Variants in MYH11 observed in about 807,000 individuals in gnomAD.
MYH11 encodes myosin heavy chain 11.
MYH11 carries 80 observed loss-of-function variants against 246.6 expected under a neutral mutation model. That is an observed-to-expected ratio of 0.32 (90% CI 0.27 to 0.39). MYH11 has a LOEUF of 0.39. Ranked by LOEUF, MYH11 falls within the 10% of genes least tolerant of loss-of-function variation. The pLI is 1.00. For missense variants in MYH11, 2,158 were observed against 2,546.8 expected (o/e 0.85, Z 3.29); for synonymous variants, 1,071 against 1,015.5 (o/e 1.05, Z -1.04).
At chr16:15,713,815 C>T (rs2039960148) in intron 40 of MYH11, 1 of 152,424 alleles carries the variant, frequency 6.6e-6, no homozygotes, top group Non-Finnish European at 1.5e-5. Context: ...TGTGCTTTCA[C>T]CAAATGATTG....
chr16:15,742,060 C>A (rs2041290777), intron 20 of MYH11, 169 bp from the exon 21 acceptor site: 1 of 1,033,506 alleles, frequency 9.7e-7, no homozygotes, highest in Non-Finnish European at 1.4e-6. Flanking sequence ...TGGGGGGTGC[C>A]TCTGGCATCC....
intron 40 of MYH11, among the ~76,000 whole-genome samples, chr16:15,710,790 G>C (rs1462890116): frequency 6.6e-6 from 1 of 151,972 alleles, no homozygotes; most frequent in Non-Finnish European, 1.5e-5. Flanking sequence ...GGAGTGTCCT[G>C]TCTCAGCCTC....
chr16:15,703,732 GT>G lies in MYH11; in HGVS notation c.*258del. The G allele has an allele frequency of 2.0e-6, 1 of 496,242 alleles. No individual in the cohort carries two copies. The highest frequency in any genetic ancestry group is 2.0e-5 in the South Asian group (1 of 49,910). 30.7% of individuals were successfully genotyped at this position (496,242 alleles called of 1,614,324 possible). A position where few individuals can be genotyped will look rare whatever the true frequency, so the allele number is the denominator to read the frequency against. On this transcript the variant is annotated 3_prime_UTR_variant, in exon 41 of 41. Transcript: ENST00000300036. ...GCCTCCCTAGTAGCTGGGACCACAG[GT>G]GTGTACCACCACGCCCAGCTTATTT...
chr16:15,732,774 A>C, intron 26 of MYH11, 66 bp from the exon 27 acceptor site: 3 of 1,592,896 alleles, frequency 1.9e-6, no homozygotes, highest in Non-Finnish European at 2.6e-6. Context: ...GTGCCGTGCA[A>C]AAGAATGAGA....
intron 26 of MYH11, among the ~76,000 whole-genome samples, chr16:15,733,175 A>G (rs1378683296): frequency 1.3e-5 from 2 of 152,312 alleles, no homozygotes; most frequent in Non-Finnish European, 2.9e-5. Flanking sequence ...CCATGGTGTC[A>G]CAGCCATTGT....
chr16:15,720,384 A>G, intron 33 of MYH11, 72 bp from the exon 34 acceptor site: 1 of 1,545,664 alleles, frequency 6.5e-7, no homozygotes, highest in Non-Finnish European at 8.8e-7. Flanking sequence ...TAGGCAGCAC[A>G]TCACTGCACC....
chr16:15,728,839 G>T (rs560386184), intron 27 of MYH11, among the ~76,000 whole-genome samples: 4 of 152,096 alleles, frequency 2.6e-5, no homozygotes, highest in African/African-American at 9.7e-5. Flanking sequence ...GGCGGGGGTT[G>T]CAGTGAGCCG....
At chr16:15,808,591 C>A (rs914617158) in intron 3 of MYH11, among the ~76,000 whole-genome samples, 1 of 152,102 alleles carries the variant, frequency 6.6e-6, no homozygotes, top group Non-Finnish European at 1.5e-5. Context: ...TACAGGAAGC[C>A]CTGGTATTGT....
At chr16:15,717,563 G>C (rs1245798979) in intron 37 of MYH11, 2 of 601,830 alleles carry the variant, frequency 3.3e-6, no homozygotes, top group Non-Finnish European at 5.9e-6. Context: ...TGGAAGCAGA[G>C]GCAGGTAAAT....
rs765266305 is a variant in MYH11 at position 15,750,039 on chromosome 16, C to T, written c.2058+99G>A. ...CCTTCCCCACATGGAAAATGGGGTCCTCGGGGTAGGTGGGGGCAGAGGGCG... is the reference window on the plus strand; with the variant it reads ...CCTTCCCCACATGGAAAATGGGGTCTTCGGGGTAGGTGGGGGCAGAGGGCG... On this transcript the variant is annotated intron_variant, in intron 16 of 40. Coordinates refer to ENST00000300036, the MANE Select transcript of MYH11 (RefSeq NM_002474.3). The surrounding 1 kb of genome is among the most constrained non-coding windows in gnomAD (Gnocchi z 4.3). The T allele has an allele frequency of 1.2e-5, 17 of 1,443,926 alleles. No homozygotes were observed. The highest frequency in any genetic ancestry group is 1.4e-5 in the Non-Finnish European group (15 of 1,043,204). 89.4% of individuals were successfully genotyped at this position (1,443,926 alleles called of 1,614,324 possible). A position where few individuals can be genotyped will look rare whatever the true frequency, so the allele number is the denominator to read the frequency against.
chr16:15,760,702 T>C, intron 10 of MYH11, 44 bp from the exon 11 acceptor site: 1 of 1,319,674 alleles, frequency 7.6e-7, no homozygotes, highest in Non-Finnish European at 1.1e-6. Flanking sequence ...ACAAAAGAAA[T>C]AGCTTGGCAA....
At chr16:15,772,742 C>G (rs534593406) in intron 8 of MYH11, among the ~76,000 whole-genome samples, 1 of 152,290 alleles carries the variant, frequency 6.6e-6, no homozygotes, top group Admixed American at 6.5e-5. Flanking sequence ...AGCAGGTGAG[C>G]AAGTGAAGCT....
Position 15,721,370 on chromosome 16 carries a change from A to G in MYH11, c.4578+52T>C, listed in dbSNP as rs373866314. 6.5e-5 allele frequency: 103 copies of G among 1,576,900 alleles called. No homozygotes were observed. The African/African-American group carries it at 1.3e-3, about 20-fold the overall frequency. The stretch of plus-strand genomic sequence containing the variant: ...CCTCGCATGGACTGGTGAATAGCAC[A>G]GAGGGTGGGCAGGCGAAACATGGAC... On this transcript the variant is annotated intron_variant, in intron 32 of 40. Transcript: ENST00000300036.
chr16:15,716,794 G>A (rs547031072), intron 38 of MYH11, among the ~76,000 whole-genome samples: 8 of 152,320 alleles, frequency 5.3e-5, no homozygotes, highest in East Asian at 1.9e-4. Flanking sequence ...GATTACAGGC[G>A]TGAGCCACCA....
intron 9 of MYH11, among the ~76,000 whole-genome samples, chr16:15,766,347 GTGT>G (rs1567742465): frequency 8.0e-4 from 46 of 57,204 alleles, no homozygotes; most frequent in African/African-American, 2.5e-3. Context: ...GTTTTTTGGT[GTGT>G]GTGTGTGTGT....
intron 27 of MYH11, among the ~76,000 whole-genome samples, chr16:15,727,484 A>G (rs890152982): frequency 2.1e-4 from 32 of 152,020 alleles, no homozygotes; most frequent in African/African-American, 7.2e-4. Context: ...TACAGGCGTG[A>G]GCTGCCGCAC....
chr16:15,715,351 T>G, intron 38 of MYH11, 79 bp from the exon 39 acceptor site: 2 of 1,352,942 alleles, frequency 1.5e-6, no homozygotes, highest in African/African-American at 1.4e-5. Flanking sequence ...GGAGGTGGCA[T>G]CTTGAGTGCT....
chr16:15,728,967 G>T (rs2040879571), intron 27 of MYH11, among the ~76,000 whole-genome samples: 1 of 152,064 alleles, frequency 6.6e-6, no homozygotes, highest in Admixed American at 6.6e-5. Flanking sequence ...GTAGAGAAGG[G>T]GAAAGAGAAG....
At chr16:15,761,209 C>A (rs929926353) in intron 10 of MYH11, among the ~76,000 whole-genome samples, 1 of 151,984 alleles carries the variant, frequency 6.6e-6, no homozygotes, top group Middle Eastern at 3.4e-3. Flanking sequence ...CTTCCGGGTT[C>A]AAGCAATTCT....
Sources: allele counts gnomAD v4.1 joint callset (sites outside exome capture counted in the v4.1 genomes callset), GRCh38; gene constraint gnomAD v4.1.1; non-coding constraint Gnocchi (gnomAD v3.1); transcripts MANE v1.5; gene names NCBI Gene and HGNC (gene_info 2026-07-23, HGNC 2026-07-21).